The following OCA2 variants were observed in gnomAD, a reference collection of about 807,000 sequenced individuals.
OCA2 encodes P protein.
A neutral mutation model predicts 100.2 loss-of-function variants in OCA2; 77 were observed. That is an observed-to-expected ratio of 0.77 (90% confidence interval 0.64 to 0.93). OCA2 has a LOEUF of 0.93. OCA2 is among the 40% of genes least tolerant of loss of function. OCA2 has a pLI of 0.00. For missense variants in OCA2, 1,062 were observed against 1,089.1 expected (o/e 0.98, Z 0.35); for synonymous variants, 432 against 439.2 (o/e 0.98, Z 0.21).
At chr15:27,721,644 A>G in the OCA2 span, among the ~76,000 whole-genome samples, 4 of 152,184 alleles carry the variant, frequency 2.6e-5, no homozygotes, top group Non-Finnish European at 5.9e-5. Flanking sequence ...TCAAAGGACA[A>G]TTATCACATT....
intron 2 of OCA2, among the ~76,000 whole-genome samples, chr15:28,074,471 G>A (rs1052409251): frequency 1.2e-4 from 19 of 152,030 alleles, no homozygotes; most frequent in African/African-American, 3.6e-4. Context: ...TCAGGAGATC[G>A]AGACCATCCT....
intron 19 of OCA2, among the ~76,000 whole-genome samples, chr15:27,877,316 T>A (rs1189141948): frequency 6.6e-6 from 1 of 152,016 alleles, no homozygotes. Flanking sequence ...TTGGATATAG[T>A]GTTCTACAAA....
chr15:28,051,484 G>A (rs1416544031), intron 2 of OCA2, among the ~76,000 whole-genome samples: 2 of 151,178 alleles, frequency 1.3e-5, no homozygotes, highest in African/African-American at 2.4e-5. Flanking sequence ...CAGAGATGGG[G>A]TTTCTCCATG....
intron 2 of OCA2, among the ~76,000 whole-genome samples, chr15:28,052,137 G>A (rs1045665370): frequency 2.0e-5 from 3 of 152,096 alleles, no homozygotes; most frequent in Admixed American, 6.5e-5. Context: ...CCTAGGGCAT[G>A]TTTACTGCAA....
intron 18 of OCA2, among the ~76,000 whole-genome samples, chr15:27,947,728 A>G (rs1370351452): frequency 2.6e-5 from 4 of 152,076 alleles, no homozygotes; most frequent in Non-Finnish European, 5.9e-5. Context: ...ACTCAACCCC[A>G]CAGACAGCCC....
At chr15:28,007,330 T>C (rs577721703) in intron 9 of OCA2, among the ~76,000 whole-genome samples, 1 of 152,364 alleles carries the variant, frequency 6.6e-6, no homozygotes, top group African/African-American at 2.4e-5. Context: ...ATGGAATTTT[T>C]AGAATGCTGC....
chr15:27,720,473 TTA>T, the OCA2 span, among the ~76,000 whole-genome samples: 2 of 150,590 alleles, frequency 1.3e-5, no homozygotes, highest in Admixed American at 6.6e-5. Context: ...ATATGCATTT[TTA>T]TATGTTTATG....
chr15:27,842,821 C>T (rs888012866), intron 23 of OCA2, among the ~76,000 whole-genome samples: 6 of 151,360 alleles, frequency 4.0e-5, no homozygotes, highest in Admixed American at 6.6e-5. Context: ...AGTAACTGCA[C>T]ACACGCACAC....
intron 19 of OCA2, among the ~76,000 whole-genome samples, chr15:27,875,648 A>G (rs1326778365): frequency 2.0e-5 from 3 of 152,110 alleles, no homozygotes; most frequent in East Asian, 1.9e-4. Flanking sequence ...TGGACAGACT[A>G]TATCTCTTCA....
chr15:27,969,124 C>G (rs1289069110), intron 14 of OCA2, among the ~76,000 whole-genome samples: 9 of 151,880 alleles, frequency 5.9e-5, no homozygotes, highest in Non-Finnish European at 1.2e-4. Flanking sequence ...ACAGAAGTAC[C>G]TATATCCTGA....
intron 2 of OCA2, among the ~76,000 whole-genome samples, chr15:28,054,810 C>T (rs559737721): frequency 3.2e-4 from 49 of 152,290 alleles, no homozygotes; most frequent in African/African-American, 1.1e-3. Flanking sequence ...ACTCACAGTT[C>T]CACATGGCTG....
chr15:27,845,185 G>A, intron 22 of OCA2, 133 bp from the exon 23 acceptor site: 1 of 742,524 alleles, frequency 1.3e-6, no homozygotes, highest in South Asian at 1.6e-5. Context: ...TGACCGCTTT[G>A]TAAATATCTG....
intron 15 of OCA2, among the ~76,000 whole-genome samples, chr15:27,960,162 C>A (rs1005207634): frequency 5.9e-5 from 9 of 152,168 alleles, no homozygotes; most frequent in African/African-American, 1.7e-4. Context: ...TCTCTCCTAC[C>A]CTTACCTTCT....
downstream of OCA2, among the ~76,000 whole-genome samples, chr15:27,752,117 G>T (rs1181677936): frequency 6.6e-6 from 1 of 152,188 alleles, no homozygotes; most frequent in Non-Finnish European, 1.5e-5. Context: ...CAAAGGTAAG[G>T]CACAGCTCCT....
chr15:27,814,568 G>C (rs551009937), intron 23 of OCA2, among the ~76,000 whole-genome samples: 3 of 152,108 alleles, frequency 2.0e-5, no homozygotes, highest in Non-Finnish European at 2.9e-5. Context: ...TCTAAGCATA[G>C]GTGTGTTCAT....
At chr15:27,934,635 T>C (rs1266664187) in intron 18 of OCA2, among the ~76,000 whole-genome samples, 2 of 152,208 alleles carry the variant, frequency 1.3e-5, no homozygotes, top group Non-Finnish European at 2.9e-5. Flanking sequence ...TTTTCCATGA[T>C]TCTGAGAGAA....
chr15:27,932,180 C>T (rs2039277048), intron 18 of OCA2, among the ~76,000 whole-genome samples: 1 of 152,122 alleles, frequency 6.6e-6, no homozygotes, highest in African/African-American at 2.4e-5. Context: ...GGAGGTGAAC[C>T]CTGCTCCCTG....
intron 19 of OCA2, among the ~76,000 whole-genome samples, chr15:27,891,571 C>T (rs957832002): frequency 6.6e-6 from 1 of 152,172 alleles, no homozygotes; most frequent in African/African-American, 2.4e-5. Context: ...TAAATGATCC[C>T]TAGATTACTT....
intron 22 of OCA2, among the ~76,000 whole-genome samples, chr15:27,848,127 C>G (rs929135379): frequency 2.0e-5 from 3 of 152,232 alleles, no homozygotes; most frequent in Non-Finnish European, 4.4e-5. Flanking sequence ...CCCTCTCCCA[C>G]AGAAGACATT....
Sources: gnomAD v4.1 joint callset for allele counts (sites outside exome capture counted in the v4.1 genomes callset) on GRCh38, gnomAD v4.1.1 for gene constraint, MANE v1.5 for transcripts, NCBI Gene and HGNC (gene_info 2026-07-23, HGNC 2026-07-21) for gene names.